NPAP1: variants seen among roughly 807,000 people sequenced by gnomAD.
NPAP1 encodes the protein nuclear pore-associated protein 1.
For missense variants in NPAP1, 1,483 were observed against 1,454.5 expected (o/e 1.02, Z -0.32); for synonymous variants, 616 against 581.4 (o/e 1.06, Z -0.86).
chr15:24,679,485 G>A lies in NPAP1; in HGVS notation c.*147G>A, dbSNP rs2049003120. On this transcript the variant is annotated 3_prime_UTR_variant, in exon 1 of 1. Transcript: ENST00000329468. ...CAGAACTCAGGTTGTGCACCAGGAG[G>A]GGACAACAACATCCCTGTGCTCCCT... The A allele has an allele frequency of 3.1e-6, 2 of 655,708 alleles. No homozygotes were observed. The highest frequency in any genetic ancestry group is 2.9e-5 in the Admixed American group (1 of 34,954). 40.6% of individuals were successfully genotyped at this position (655,708 alleles called of 1,614,324 possible).
Position 24,679,005 on chromosome 15 carries a change from C to G in NPAP1, c.3138C>G (p.Pro1046=), listed in dbSNP as rs746563493. The change falls in exon 1 of 1, where the codon CCC becomes CCG. Residue 1046 remains proline, a synonymous_variant. Transcript: ENST00000329468. ...LNIGQGQSGT[P]STTSVFPFGQ... ...TTGGACAAGGACAGAGTGGGACACC[C>G]AGCACCACTTCTGTTTTCCCATTTG... The G allele has an allele frequency of 1.9e-6, 3 of 1,614,164 alleles. No homozygotes were observed. The South Asian group carries it at 3.3e-5, about 18-fold the overall frequency.
chr15:24,676,191 T>A lies in NPAP1; in HGVS notation c.324T>A (p.Phe108Leu). ...PMLPARNPPR[F>L]GHPSSVRIPP... Reference sequence around the variant, plus strand: ...TGCCTGCTCGGAACCCCCCGAGGTTTGGACACCCCAGTTCCGTAAGGATCC... The same window carrying A: ...TGCCTGCTCGGAACCCCCCGAGGTTAGGACACCCCAGTTCCGTAAGGATCC... Residue 108 changes from phenylalanine to leucine, a missense_variant, in exon 1 of 1, where the codon TTT (phenylalanine) becomes TTA (leucine). By Grantham distance (22) the Phe-to-Leu change is conservative. Coordinates refer to ENST00000329468, the MANE Select transcript of NPAP1 (RefSeq NM_018958.3). The A allele has an allele frequency of 6.4e-7, 1 of 1,567,294 alleles. No homozygotes were observed. The highest frequency in any genetic ancestry group is 8.6e-7 in the Non-Finnish European group (1 of 1,158,562).
At position 24,678,198 on chromosome 15, in the gene NPAP1, T is replaced by A. The variant is rs2141312061; in HGVS notation, c.2331T>A (p.Pro777=). ...GATPQPKFGA[P]DGPQQKTSLP... ...CCCCTCAACCCAAATTTGGGGCCCC[T>A]GATGGGCCGCAGCAGAAAACCTCTC... Residue 777 remains proline (P), a synonymous_variant, in exon 1 of 1, where the codon CCT becomes CCA. Transcript: ENST00000329468. 1.2e-6 allele frequency: 2 copies of A among 1,613,544 alleles called. No homozygotes were observed. Among genetic ancestry groups the A allele is most frequent in the Non-Finnish European group, 1.7e-6 (2 of 1,179,908 alleles).
In NPAP1 at chr15:24,678,959, C is replaced by A. The variant is rs543964564; in HGVS notation, c.3092C>A (p.Ser1031Tyr). 1.2e-6 allele frequency: 2 copies of A among 1,614,136 alleles called. No homozygotes were observed. The highest frequency in any genetic ancestry group is 2.7e-5 in the African/African-American group (2 of 75,046). ...GFSMSAPGPS[S>Y]TSGELNIGQG... ...AGCATGTCTGCCCCAGGCCCCAGTT[C>A]CACATCAGGAGAACTCAACATTGGA... is the stretch of plus-strand genomic sequence containing the variant. Residue 1031 changes from serine (S) to tyrosine (Y), a missense_variant, in exon 1 of 1, where the codon TCC becomes TAC. Coordinates refer to ENST00000329468, the MANE Select transcript of NPAP1 (RefSeq NM_018958.3).
rs2141313205 is a variant in NPAP1, at chr15:24,678,683, G to A, written c.2816G>A (p.Ser939Asn). 1 of 1,614,154 alleles carries A rather than the reference G, an allele frequency of 6.2e-7. No individual in the cohort carries two copies. The highest frequency in any genetic ancestry group is 8.5e-7 in the Non-Finnish European group (1 of 1,180,040). Residue 939 changes from serine to asparagine, a missense_variant, in exon 1 of 1, where the codon AGC becomes AAC. Physicochemically the swap from Ser to Asn is conservative, Grantham distance 46. Transcript: ENST00000329468. ...TSPSVQPLSG[S>N]IIPPGFAELT... is the part of the protein sequence containing the mutation. ...CCTTCAGTCCAGCCACTGAGTGGCAGCATAATTCCACCAGGTTTTGCAGAG... is the reference window on the plus strand; with the variant it reads ...CCTTCAGTCCAGCCACTGAGTGGCAACATAATTCCACCAGGTTTTGCAGAG...
rs2141309262 is a variant in NPAP1 at position 24,676,970 on chromosome 15, C to T, written c.1103C>T (p.Thr368Ile). Residue 368 changes from threonine (T) to isoleucine (I), a missense_variant, in exon 1 of 1, where the codon ACC becomes ATC. By Grantham distance (89) the Thr-to-Ile change is moderately conservative. Coordinates refer to ENST00000329468, the MANE Select transcript of NPAP1 (RefSeq NM_018958.3). ...CTGTCTGTTGAGGGAGACCTACACACCTTGGAGAAGAGCCCTGAGTATAAA... is the reference window on the plus strand; with the variant it reads ...CTGTCTGTTGAGGGAGACCTACACATCTTGGAGAAGAGCCCTGAGTATAAA... ...PCLSVEGDLH[T>I]LEKSPEYKRN... The T allele has an allele frequency of 1.9e-6, 3 of 1,613,922 alleles. No individual in the cohort carries two copies. The highest frequency in any genetic ancestry group is 2.5e-6 in the Non-Finnish European group (3 of 1,180,000).
rs751440392 is a variant in NPAP1 at position 24,676,504 on chromosome 15, TACC to T, written c.640_642del (p.His214del). 2.5e-6 allele frequency: 4 copies of T among 1,614,102 alleles called. No homozygotes were observed. Among genetic ancestry groups the T allele is most frequent in the Middle Eastern group, 1.6e-4 (1 of 6,062 alleles). On this transcript the variant is annotated inframe_deletion, in exon 1 of 1. Coordinates refer to ENST00000329468, the MANE Select transcript of NPAP1 (RefSeq NM_018958.3). ...CCCTGGGCCTCTGGAGGGAAATGTC[TACC>T]ACAAGTTCTCAGAAAACAGCATGAG...
rs1305570399 is a variant in NPAP1 at position 24,682,242 on chromosome 15, G to A, written c.*2904G>A. ...CAGAGGATCAAAGCTCCTGTTTCCT[G>A]GCCAGATAATCACCTAACTTTTGTA... On this transcript the variant is annotated 3_prime_UTR_variant, in exon 1 of 1. Coordinates refer to ENST00000329468, the MANE Select transcript of NPAP1 (RefSeq NM_018958.3). The A allele has an allele frequency of 2.4e-5, 4 of 166,992 alleles. No homozygotes were observed. The highest frequency in any genetic ancestry group is 5.9e-5 in the Non-Finnish European group (4 of 68,114). The allele number at this position is 166,992 out of a possible 1,614,324, so 10.3% of individuals were successfully genotyped here. A position where few individuals can be genotyped will look rare whatever the true frequency, so the allele number is the denominator to read the frequency against.
chr15:24,677,763 C>T lies in NPAP1; in HGVS notation c.1896C>T (p.Thr632=), dbSNP rs2141311056. 2 of 1,614,164 alleles carry T rather than the reference C, an allele frequency of 1.2e-6. No homozygotes were observed. The highest frequency in any genetic ancestry group is 1.7e-6 in the Non-Finnish European group (2 of 1,180,034). Residue 632 remains threonine, a synonymous_variant, in exon 1 of 1, where the codon ACC becomes ACT. Coordinates refer to ENST00000329468, the MANE Select transcript of NPAP1 (RefSeq NM_018958.3). The stretch of plus-strand genomic sequence containing the variant: ...TTCCATTTATATTCCACAATACCAC[C>T]CCAAGTTTTAACCAACTCTTTGGAA... ...SPLPFIFHNT[T]PSFNQLFGKE...
Position 24,676,826 on chromosome 15 carries a change from C to T in NPAP1, c.959C>T (p.Ala320Val), listed in dbSNP as rs758890393. 5.0e-6 allele frequency: 8 copies of T among 1,613,018 alleles called. No individual in the cohort carries two copies. The highest frequency in any genetic ancestry group is 6.8e-6 in the Non-Finnish European group (8 of 1,180,006). ...CCAAGGAGCGCTGCTCCTCCCAGAG[C>T]TGCCCGCAACAGGCCCTGCAAAAGG... ...IPPRSAAPPR[A>V]ARNRPCKRKM... is the part of the protein sequence containing the mutation. The change falls in exon 1 of 1, where the codon GCT becomes GTT. Residue 320 changes from alanine to valine, a missense_variant. Physicochemically the swap from Ala to Val is moderately conservative, Grantham distance 64 (BLOSUM62 0). Transcript: ENST00000329468.
rs2048980876 is a variant in NPAP1 at position 24,676,958 on chromosome 15, G to C, written c.1091G>C (p.Gly364Ala). Residue 364 changes from glycine (G) to alanine (A), a missense_variant, in exon 1 of 1, where the codon GGA (glycine) becomes GCA (alanine). Gly to Ala is a moderately conservative substitution (Grantham distance 60, BLOSUM62 0). Transcript: ENST00000329468. ...AAGCTCCCCTGCCTGTCTGTTGAGG[G>C]AGACCTACACACCTTGGAGAAGAGC... ...PAKLPCLSVEGDLHTLEKSPE... is the reference protein window; with the variant it reads ...PAKLPCLSVEADLHTLEKSPE... 1.2e-6 allele frequency: 2 copies of C among 1,613,328 alleles called. No individual in the cohort carries two copies. Among genetic ancestry groups the C allele is most frequent in the African/African-American group, 2.7e-5 (2 of 74,718 alleles).
rs1210246444 is a variant in NPAP1, at chr15:24,676,639, G to A, written c.772G>A (p.Asp258Asn). 6.2e-7 allele frequency: 1 copy of A among 1,613,970 alleles called. No individual in the cohort carries two copies. The highest frequency in any genetic ancestry group is 8.5e-7 in the Non-Finnish European group (1 of 1,180,030). ...CCGGCATCTTGGAAAGCCTGATCCG[G>A]ATGCAACAGCGCCCCCTGAGCCAGC... ...CARHLGKPDP[D>N]ATAPPEPAVG... Residue 258 changes from aspartate (D) to asparagine (N), a missense_variant, in exon 1 of 1, where the codon GAT becomes AAT. Physicochemically the swap from Asp to Asn is conservative, Grantham distance 23 (BLOSUM62 1). Transcript: ENST00000329468.
Position 24,675,897 on chromosome 15 carries a change from C to T in NPAP1, c.30C>T (p.Pro10=), listed in dbSNP as rs1019258679. Residue 10 remains proline, a synonymous_variant, in exon 1 of 1, where the codon CCC becomes CCT. Transcript: ENST00000329468. MGNLLSKFR[P]GCRRRPLPGP... ...GCAATTTACTTAGTAAATTTAGACC[C>T]GGGTGCCGCCGCCGGCCCCTGCCAG... 73 of 1,576,612 alleles carry T rather than the reference C, an allele frequency of 4.6e-5. No individual in the cohort carries two copies. The highest frequency in any genetic ancestry group is 6.0e-5 in the Non-Finnish European group (70 of 1,164,982).
Position 24,676,762 on chromosome 15 carries a change from G to A in NPAP1, c.895G>A (p.Gly299Arg), listed in dbSNP as rs779605645. Residue 299 changes from glycine to arginine, a missense_variant, in exon 1 of 1, where the codon GGA (glycine) becomes AGA (arginine). Transcript: ENST00000329468. Reference sequence around the variant, plus strand: ...AGGCTTGCCGATTCCGCTGATGTCCGGAAAGAGGATGCCTGATGAGAAGCC... The same window carrying A: ...AGGCTTGCCGATTCCGCTGATGTCCAGAAAGAGGATGCCTGATGAGAAGCC... ...SLGLPIPLMS[G>R]KRMPDEKPFC... The A allele has an allele frequency of 5.6e-6, 9 of 1,613,670 alleles. No individual in the cohort carries two copies. The Admixed American group carries it at 1.0e-4, about 18-fold the overall frequency.
In NPAP1 at chr15:24,676,436, G is replaced by A. The variant is rs2141308013; in HGVS notation, c.569G>A (p.Arg190Lys). ...LSSGEASSTS[R>K]SQGTQGDVAS... Reference sequence around the variant, plus strand: ...AGCGGAGAAGCATCGTCCACATCCAGGTCCCAGGGCACCCAGGGAGACGTG... The same window carrying A: ...AGCGGAGAAGCATCGTCCACATCCAAGTCCCAGGGCACCCAGGGAGACGTG... The change falls in exon 1 of 1, where the codon AGG becomes AAG. Residue 190 changes from arginine to lysine, a missense_variant. Coordinates refer to ENST00000329468, the MANE Select transcript of NPAP1 (RefSeq NM_018958.3). 1 of 1,612,142 alleles carries A rather than the reference G, an allele frequency of 6.2e-7. No individual in the cohort carries two copies. Among genetic ancestry groups the A allele is most frequent in the Non-Finnish European group, 8.5e-7 (1 of 1,179,156 alleles).
In NPAP1 at chr15:24,675,852, G is replaced by A. The variant is rs766432649; in HGVS notation, c.-16G>A. ...TGCTGACCCTGTTTTACGGTAGGAGGCACGGCTAGCTCTAAATGGGCAATT... is the reference window on the plus strand; with the variant it reads ...TGCTGACCCTGTTTTACGGTAGGAGACACGGCTAGCTCTAAATGGGCAATT... On this transcript the variant is annotated 5_prime_UTR_variant, in exon 1 of 1. Transcript: ENST00000329468. 2.9e-5 allele frequency: 44 copies of A among 1,498,558 alleles called. No homozygotes were observed. Among genetic ancestry groups the A allele is most frequent in the Middle Eastern group, 1.9e-4 (1 of 5,212 alleles). 92.8% of individuals were successfully genotyped at this position (1,498,558 alleles called of 1,614,324 possible).
chr15:24,681,346 C>T lies in NPAP1; in HGVS notation c.*2008C>T, dbSNP rs2049015285. On this transcript the variant is annotated 3_prime_UTR_variant, in exon 1 of 1. Transcript: ENST00000329468. Reference sequence around the variant, plus strand: ...AGCTTTTGTTGTAATTTGTTATATACATAGGGATGGATAGACGGATGGATA... The same window carrying T: ...AGCTTTTGTTGTAATTTGTTATATATATAGGGATGGATAGACGGATGGATA... The T allele has an allele frequency of 6.1e-6, 1 of 165,232 alleles. No individual in the cohort carries two copies. The highest frequency in any genetic ancestry group is 1.5e-5 in the Non-Finnish European group (1 of 68,064). The allele number at this position is 165,232 out of a possible 1,614,324, so 10.2% of individuals were successfully genotyped here. A position where few individuals can be genotyped will look rare whatever the true frequency, so the allele number is the denominator to read the frequency against.
At position 24,680,562 on chromosome 15, in the gene NPAP1, G is replaced by C. The variant is rs1361599097; in HGVS notation, c.*1224G>C. ...CTTAACCTGCTCTCTTCCTACAGAA[G>C]CTGGAGGCCCAAAACCACAGACAGA... On this transcript the variant is annotated 3_prime_UTR_variant, in exon 1 of 1. Transcript: ENST00000329468. The C allele has an allele frequency of 1.8e-5, 3 of 167,208 alleles. No individual in the cohort carries two copies. Among genetic ancestry groups the C allele is most frequent in the African/African-American group, 7.2e-5 (3 of 41,560 alleles). 10.4% of individuals were successfully genotyped at this position (167,208 alleles called of 1,614,324 possible). A position where few individuals can be genotyped will look rare whatever the true frequency, so the allele number is the denominator to read the frequency against.
Position 24,677,462 on chromosome 15 carries a change from T to G in NPAP1, c.1595T>G (p.Leu532Arg). Reference protein sequence around the residue: ...DSPPPLSFLTLLPVPSTGTSV... With the variant: ...DSPPPLSFLTRLPVPSTGTSV... Reference sequence around the variant, plus strand: ...CCTCCTCCTCTTTCCTTCCTGACTCTTCTTCCAGTCCCTTCCACCGGGACC... The same window carrying G: ...CCTCCTCCTCTTTCCTTCCTGACTCGTCTTCCAGTCCCTTCCACCGGGACC... The change falls in exon 1 of 1, where the codon CTT becomes CGT. Residue 532 changes from leucine to arginine, a missense_variant. Transcript: ENST00000329468. The G allele has an allele frequency of 6.2e-7, 1 of 1,614,030 alleles. No individual in the cohort carries two copies. The highest frequency in any genetic ancestry group is 2.2e-5 in the East Asian group (1 of 44,872).
Sources: gnomAD v4.1 joint callset for allele counts on GRCh38, gnomAD v4.1.1 for gene constraint, MANE v1.5 for transcripts, NCBI Gene and HGNC (gene_info 2026-07-23, HGNC 2026-07-21) for gene names.